Variants in SPARCL1 observed in about 807,000 individuals in gnomAD.
SPARCL1 encodes SPARC like 1, also known as SPARC-like protein 1.
In SPARCL1, 52 loss-of-function variants were observed where a neutral mutation model predicts 67.1. The ratio of observed to expected loss-of-function variants is 0.78; its 90% confidence interval spans 0.62 to 0.98. The LOEUF (loss-of-function observed/expected upper bound fraction) is 0.98. Ranked by LOEUF, SPARCL1 falls within the 50% of genes least tolerant of loss-of-function variation. The probability of loss-of-function intolerance (pLI) is 0.00; values close to 1 mark genes in which losing one functional copy is unlikely to be tolerated. For missense variants in SPARCL1, 717 were observed against 782.4 expected (o/e 0.92, Z 1.00); for synonymous variants, 226 against 267.8 (o/e 0.84, Z 1.52).
rs909186225 is a variant in SPARCL1, at chr4:87,490,668, C to T, written c.1410+92G>A. 35 of 922,174 alleles carry T rather than the reference C, an allele frequency of 3.8e-5. No individual in the cohort carries two copies. In the African/African-American group the frequency reaches 5.2e-4, roughly 14 times the overall value. The allele number at this position is 922,174 out of a possible 1,614,324, so 57.1% of individuals were successfully genotyped here. On this transcript the variant is annotated intron_variant, in intron 6 of 10. Transcript: ENST00000282470. ...AACCAAATGATAACCTAGGTATCTA[C>T]CTTTTTTAAGCAAAAATTTCAATGG... is the stretch of plus-strand genomic sequence containing the variant.
At chr4:87,491,119 T>C (rs958594892) in intron 5 of SPARCL1, among the ~76,000 whole-genome samples, 3 of 152,222 alleles carry the variant, frequency 2.0e-5, no homozygotes, top group African/African-American at 7.2e-5. Context: ...AGATTTCCTC[T>C]TGCAGCAGTT....
At chr4:87,475,155 T>C (rs1723536607) in intron 10 of SPARCL1, among the ~76,000 whole-genome samples, 2 of 152,176 alleles carry the variant, frequency 1.3e-5, no homozygotes, top group Non-Finnish European at 2.9e-5. Context: ...TCTAGGTCTT[T>C]CCTGCACTCA....
At chr4:87,505,689 GGGA>G (rs545433731) in intron 1 of SPARCL1, among the ~76,000 whole-genome samples, 289 of 151,590 alleles carry the variant, frequency 1.9e-3, no homozygotes, top group Non-Finnish European at 2.9e-3. Flanking sequence ...CAAGTAGCTG[GGGA>G]TATAGGTGCA....
Sources: allele counts gnomAD v4.1 joint callset (sites outside exome capture counted in the v4.1 genomes callset), GRCh38; gene constraint gnomAD v4.1.1; transcripts MANE v1.5; gene names NCBI Gene and HGNC (gene_info 2026-07-23, HGNC 2026-07-21).